Variants in ADAMTS6 observed in about 807,000 individuals in gnomAD.
The protein encoded by ADAMTS6 is A disintegrin and metalloproteinase with thrombospondin motifs 6.
Under a neutral mutation model 144.3 loss-of-function variants are expected in ADAMTS6, and 23 were observed. The ratio of observed to expected loss-of-function variants is 0.16; its 90% CI spans 0.11 to 0.23. The LOEUF (loss-of-function observed/expected upper bound fraction) is 0.23, where lower values mean the gene tolerates loss of function less well. Ranked by LOEUF, ADAMTS6 falls within the 10% of genes least tolerant of loss-of-function variation. The pLI, the probability that ADAMTS6 is intolerant of heterozygous loss-of-function variation, is 1.00. For synonymous variants in ADAMTS6, 444 were observed against 457.5 expected (o/e 0.97, Z 0.38); for missense variants, 999 against 1,379.6 (o/e 0.72, Z 4.37).
At chr5:65,207,475 T>C (rs1756186696) in intron 20 of ADAMTS6, among the ~76,000 whole-genome samples, 1 of 152,184 alleles carries the variant, frequency 6.6e-6, no homozygotes, top group African/African-American at 2.4e-5. Context: ...TACAACACTA[T>C]AGCATCAATT....
chr5:65,284,043 A>T (rs1194074972), intron 11 of ADAMTS6, among the ~76,000 whole-genome samples: 1 of 152,094 alleles, frequency 6.6e-6, no homozygotes, highest in Non-Finnish European at 1.5e-5. Context: ...TGTATCTCTT[A>T]AAAAAGTTGT....
At chr5:65,275,403 GAAA>G (rs1561364388) in intron 11 of ADAMTS6, among the ~76,000 whole-genome samples, 82 of 119,646 alleles carry the variant, frequency 6.9e-4, no homozygotes, top group African/African-American at 2.4e-3. Flanking sequence ...AAGAAAGAAA[GAAA>G]GAAAGAAAGA....
At chr5:65,280,022 A>G (rs1479782117) in intron 11 of ADAMTS6, among the ~76,000 whole-genome samples, 1 of 152,174 alleles carries the variant, frequency 6.6e-6, no homozygotes, top group Non-Finnish European at 1.5e-5. Context: ...CACTGAACCA[A>G]TTTGTCATGT....
chr5:65,174,361 GCTTAGGCCTGC>G (rs1753827057), intron 22 of ADAMTS6, among the ~76,000 whole-genome samples: 1 of 152,200 alleles, frequency 6.6e-6, no homozygotes, highest in Non-Finnish European at 1.5e-5. Context: ...CCCTTAGGTG[GCTTAGGCCTGC>G]CCTGTGGAGC....
At chr5:65,256,425 G>A (rs1760668489) in intron 14 of ADAMTS6, 1 of 152,192 alleles carries the variant, frequency 6.6e-6, no homozygotes, top group South Asian at 2.1e-4. Flanking sequence ...TGGATAGCAT[G>A]AAAATACATT....
At chr5:65,465,959 A>G (rs1253710816) in intron 3 of ADAMTS6, among the ~76,000 whole-genome samples, 2 of 152,174 alleles carry the variant, frequency 1.3e-5, no homozygotes, top group Non-Finnish European at 2.9e-5. Context: ...GATGACTCCC[A>G]AATTTATAAC....
intron 7 of ADAMTS6, among the ~76,000 whole-genome samples, chr5:65,427,536 GT>G (rs1465518935): frequency 6.6e-6 from 1 of 152,092 alleles, no homozygotes; most frequent in African/African-American, 2.4e-5. Flanking sequence ...CAAAATGCCA[GT>G]ATGGTAATCC....
intron 7 of ADAMTS6, among the ~76,000 whole-genome samples, chr5:65,450,086 C>T (rs1459706641): frequency 6.6e-6 from 1 of 152,102 alleles, no homozygotes; most frequent in African/African-American, 2.4e-5. Context: ...TATTTTTTAA[C>T]AGAAAGGTTT....
intron 1 of ADAMTS6, among the ~76,000 whole-genome samples, chr5:65,478,677 T>C (rs555011819): frequency 6.6e-6 from 1 of 152,346 alleles, no homozygotes; most frequent in African/African-American, 2.4e-5. Flanking sequence ...ATAGATATGA[T>C]GATGGAGTCA....
chr5:65,317,686 T>C (rs1745146858), intron 9 of ADAMTS6, among the ~76,000 whole-genome samples: 2 of 152,078 alleles, frequency 1.3e-5, no homozygotes, highest in African/African-American at 4.8e-5. Context: ...AACCAGAATA[T>C]ATAAAGAGCT....
chr5:65,259,298 A>G (rs1407731475), intron 14 of ADAMTS6, among the ~76,000 whole-genome samples: 6 of 152,044 alleles, frequency 3.9e-5, no homozygotes, highest in African/African-American at 1.4e-4. Flanking sequence ...GCTTGAATCC[A>G]GGAGACAGAG....
At chr5:65,196,736 A>C (rs1006390257) in intron 21 of ADAMTS6, among the ~76,000 whole-genome samples, 6 of 152,068 alleles carry the variant, frequency 3.9e-5, no homozygotes, top group Non-Finnish European at 7.4e-5. Context: ...TAAAATGTGA[A>C]AAGATGTGTG....
chr5:65,400,037 T>C (rs1259304213), intron 7 of ADAMTS6, among the ~76,000 whole-genome samples: 1 of 152,212 alleles, frequency 6.6e-6, no homozygotes, highest in Non-Finnish European at 1.5e-5. Context: ...GAATTCTAAG[T>C]TGGTGTTCTT....
chr5:65,373,277 T>C (rs551140752), intron 7 of ADAMTS6, among the ~76,000 whole-genome samples: 1 of 150,736 alleles, frequency 6.6e-6, no homozygotes, highest in Non-Finnish European at 1.5e-5. Context: ...CTGAAGGAAA[T>C]AGAGACACAA....
At chr5:65,202,970 T>G (rs967716246) in intron 20 of ADAMTS6, among the ~76,000 whole-genome samples, 2 of 152,230 alleles carry the variant, frequency 1.3e-5, no homozygotes, top group Non-Finnish European at 2.9e-5. Flanking sequence ...CTTCTCTTCC[T>G]CCACATTTCA....
intron 4 of ADAMTS6, 54 bp downstream of exon 4, chr5:65,460,116 G>T: frequency 6.4e-7 from 1 of 1,559,936 alleles, no homozygotes. Context: ...CCAGAAGAAA[G>T]AAAAAGCAGC....
intron 11 of ADAMTS6, among the ~76,000 whole-genome samples, chr5:65,276,910 A>G (rs1762588465): frequency 6.6e-6 from 1 of 152,204 alleles, no homozygotes; most frequent in Non-Finnish European, 1.5e-5. Context: ...CATACTCATG[A>G]ATCCTGATAG....
Position 65,473,954 on chromosome 5 carries a change from T to TA in ADAMTS6, c.-279-3dup. 2.3e-6 allele frequency: 1 copy of TA among 427,994 alleles called. No individual in the cohort carries two copies. The highest frequency in any genetic ancestry group is 4.1e-6 in the Non-Finnish European group (1 of 243,552). 26.5% of individuals were successfully genotyped at this position (427,994 alleles called of 1,614,324 possible). ...ACTAAAGTATGGCCATTTTTTAACC[T>TA]AGAAAAAAAAAAATTTAAGTTAACT... is the stretch of plus-strand genomic sequence containing the variant. On this transcript the variant is annotated splice_polypyrimidine_tract_variant and splice_region_variant and intron_variant, in intron 1 of 24. Coordinates refer to ENST00000381055, the MANE Select transcript of ADAMTS6 (RefSeq NM_197941.4).
At position 65,198,719 on chromosome 5, in the gene ADAMTS6, G is replaced by A. The variant is rs557246932; in HGVS notation, c.2576-1568C>T. On this transcript the variant is annotated intron_variant, in intron 20 of 24. Coordinates refer to ENST00000381055, the MANE Select transcript of ADAMTS6 (RefSeq NM_197941.4). ...TTTTTATGTTTTCCTAAACTTAGGG[G>A]TCTTAAACATAGTCAAACAACTTAC... 5 of 166,704 alleles carry A rather than the reference G, an allele frequency of 3.0e-5. No homozygotes were observed. The Admixed American group carries it at 3.3e-4, about 11-fold the overall frequency. The allele number at this position is 166,704 out of a possible 1,614,324, so 10.3% of individuals were successfully genotyped here.
Sources: gnomAD v4.1 joint callset for allele counts (sites outside exome capture counted in the v4.1 genomes callset) on GRCh38, gnomAD v4.1.1 for gene constraint, MANE v1.5 for transcripts, NCBI Gene and HGNC (gene_info 2026-07-23, HGNC 2026-07-21) for gene names.